The following ANGPTL8 variants were observed in gnomAD, a reference collection of about 807,000 sequenced individuals.
ANGPTL8 encodes the protein angiopoietin-like protein 8.
ANGPTL8 carries 24 observed loss-of-function variants against 22.6 expected under a neutral mutation model. The ratio of observed to expected loss-of-function variants is 1.06; its 90% confidence interval spans 0.77 to 1.49. The LOEUF is 1.49. Among genes scored for constraint, ANGPTL8 ranks in the 40% most tolerant of loss-of-function variants. The pLI, the probability that ANGPTL8 is intolerant of heterozygous loss-of-function variation, is 0.00. For synonymous variants in ANGPTL8, 88 were observed against 113.4 expected, an observed-to-expected ratio of 0.78 and a Z score of 1.42; for missense variants, 230 against 259.6, an observed-to-expected ratio of 0.89 and a Z score of 0.78.
Position 11,239,938 on chromosome 19 carries a change from G to C in ANGPTL8, c.297+4G>C. 6.3e-7 allele frequency: 1 copy of C among 1,577,994 alleles called. No homozygotes were observed. Among genetic ancestry groups the C allele is most frequent in the South Asian group, 1.2e-5 (1 of 86,082 alleles). ...GGCAAGCCTGTTGGAGACTCAGGTG[G>C]GCACCGTAGCTGCGACACTGTGGGG... On this transcript the variant is annotated splice_donor_region_variant and intron_variant, in intron 1 of 3. Transcript: ENST00000252453.
chr19:11,241,768 C>T lies in ANGPTL8; in HGVS notation c.*81C>T, dbSNP rs1448401345. On this transcript the variant is annotated 3_prime_UTR_variant, in exon 4 of 4. Transcript: ENST00000252453. ...CGTGAGGCCCCTGTGCAGGGAGGAG[C>T]TGCCTGTTCACTGGGATCAGCCAGG... is the stretch of plus-strand genomic sequence containing the variant. 5.8e-6 allele frequency: 9 copies of T among 1,544,900 alleles called. No homozygotes were observed. Among genetic ancestry groups the T allele is most frequent in the Non-Finnish European group, 7.9e-6 (9 of 1,141,450 alleles).
chr19:11,240,263 G>A lies in ANGPTL8; in HGVS notation c.426G>A (p.Leu142=). The A allele has an allele frequency of 6.3e-7, 1 of 1,584,822 alleles. No homozygotes were observed. Among genetic ancestry groups the A allele is most frequent in the Non-Finnish European group, 8.6e-7 (1 of 1,166,762 alleles). Residue 142 remains leucine (L), a synonymous_variant, in exon 2 of 4, where the codon CTG becomes CTA. Coordinates refer to ENST00000252453, the MANE Select transcript of ANGPTL8 (RefSeq NM_018687.7). ...RLEVQLRSAW[L]GPAYREFEVL... ...AAGTCCAGCTGAGGAGCGCCTGGCT[G>A]GGCCCTGCCTACCGAGAATTTGAGG...
In ANGPTL8 at chr19:11,241,722, G is replaced by T. The variant is rs1401853642; in HGVS notation, c.*35G>T. ...GATGGAACTGAGGACCAATCATGCT[G>T]CAAGGAACACTTCCACGCCCCGTGA... On this transcript the variant is annotated 3_prime_UTR_variant, in exon 4 of 4. Transcript: ENST00000252453. The T allele has an allele frequency of 2.5e-6, 4 of 1,572,506 alleles. No individual in the cohort carries two copies. The highest frequency in any genetic ancestry group is 1.2e-5 in the South Asian group (1 of 85,226).
In ANGPTL8 at chr19:11,239,911, CG is replaced by C; in HGVS notation, c.277del (p.Ala93GlnfsTer41). 1 of 1,588,384 alleles carries C rather than the reference CG, an allele frequency of 6.3e-7. No individual in the cohort carries two copies. Among genetic ancestry groups the C allele is most frequent in the Non-Finnish European group, 8.6e-7 (1 of 1,167,674 alleles). On this transcript the variant is annotated frameshift_variant, in exon 1 of 4. Coordinates refer to ENST00000252453, the MANE Select transcript of ANGPTL8 (RefSeq NM_018687.7). LOFTEE classifies it high-confidence loss of function. ...SRGRDAAQELRASLLETQMEE... is the reference protein window; with the variant it reads ...SRGRDAAQELXASLLETQMEE... ...GGGCCGGGATGCAGCCCAGGAACTT[CG>C]GGCAAGCCTGTTGGAGACTCAGGTG...
chr19:11,241,888 ACATGTACCCTTT>A lies in ANGPTL8; in HGVS notation c.*206_*217del, dbSNP rs2079952284. On this transcript the variant is annotated 3_prime_UTR_variant, in exon 4 of 4. Coordinates refer to ENST00000252453, the MANE Select transcript of ANGPTL8 (RefSeq NM_018687.7). The stretch of plus-strand genomic sequence containing the variant: ...CCCATTGGGGAGGGGTGGAGGAAGG[ACATGTACCCTTT>A]CATGCCTACACACCCCTCATTAAAG... 1 of 1,248,358 alleles carries A rather than the reference ACATGTACCCTTT, an allele frequency of 8.0e-7. No individual in the cohort carries two copies. The highest frequency in any genetic ancestry group is 1.4e-5 in the South Asian group (1 of 71,264). 77.3% of individuals were successfully genotyped at this position (1,248,358 alleles called of 1,614,324 possible). A position where few individuals can be genotyped will look rare whatever the true frequency, so the allele number is the denominator to read the frequency against.
chr19:11,241,550 G>A lies in ANGPTL8; in HGVS notation c.565G>A (p.Glu189Lys), dbSNP rs1404771846. Residue 189 changes from glutamate to lysine, a missense_variant, in exon 3 of 4, where the codon GAG becomes AAG. Coordinates refer to ENST00000252453, the MANE Select transcript of ANGPTL8 (RefSeq NM_018687.7). ...AQQHRLRQIQERLHTAALPA is the reference protein window; with the variant it reads ...AQQHRLRQIQKRLHTAALPA ...GCAGCATCGGCTGCGACAGATCCAG[G>A]AGAGGTGAGCCTGGCAGGGGTTTGG... 34 of 1,553,528 alleles carry A rather than the reference G, an allele frequency of 2.2e-5. No homozygotes were observed. Among genetic ancestry groups the A allele is most frequent in the Non-Finnish European group, 2.9e-5 (33 of 1,148,262 alleles).
chr19:11,240,001 A>G (rs1165863246), intron 1 of ANGPTL8, 67 bp downstream of exon 1: 5 of 1,549,884 alleles, frequency 3.2e-6, no homozygotes, highest in Non-Finnish European at 3.5e-6. Flanking sequence ...GTCTAGGGTA[A>G]CCAACCATCC....
chr19:11,241,748 G>A lies in ANGPTL8; in HGVS notation c.*61G>A, dbSNP rs2079948756. The A allele has an allele frequency of 6.4e-7, 1 of 1,554,396 alleles. No homozygotes were observed. On this transcript the variant is annotated 3_prime_UTR_variant, in exon 4 of 4. Coordinates refer to ENST00000252453, the MANE Select transcript of ANGPTL8 (RefSeq NM_018687.7). ...CAAGGAACACTTCCACGCCCCGTGA[G>A]GCCCCTGTGCAGGGAGGAGCTGCCT...
chr19:11,240,423 C>T, intron 2 of ANGPTL8, 127 bp downstream of exon 2: 1 of 991,728 alleles, frequency 1.0e-6, no homozygotes, highest in Non-Finnish European at 1.4e-6. Flanking sequence ...CCTGCATGTC[C>T]CCAGACAAAA....
At position 11,241,739 on chromosome 19, in the gene ANGPTL8, G is replaced by A. The variant is rs1056308728; in HGVS notation, c.*52G>A. The A allele has an allele frequency of 2.5e-5, 39 of 1,555,980 alleles. No homozygotes were observed. The highest frequency in any genetic ancestry group is 4.9e-5 in the East Asian group (2 of 41,204). The stretch of plus-strand genomic sequence containing the variant: ...ATCATGCTGCAAGGAACACTTCCAC[G>A]CCCCGTGAGGCCCCTGTGCAGGGAG... On this transcript the variant is annotated 3_prime_UTR_variant, in exon 4 of 4. Transcript: ENST00000252453.
intron 2 of ANGPTL8, among the ~76,000 whole-genome samples, chr19:11,241,238 CAAA>C (rs59955877): frequency 8.3e-6 from 1 of 121,170 alleles, no homozygotes. Flanking sequence ...GAGAGAGACT[CAAA>C]AAAAAAAAAA....
chr19:11,240,117 C>G lies in ANGPTL8; in HGVS notation c.298-18C>G, dbSNP rs765612211. 1.9e-6 allele frequency: 3 copies of G among 1,551,420 alleles called. No homozygotes were observed. The South Asian group carries it at 3.6e-5, about 18-fold the overall frequency. On this transcript the variant is annotated intron_variant, in intron 1 of 3. Coordinates refer to ENST00000252453, the MANE Select transcript of ANGPTL8 (RefSeq NM_018687.7). ...ATGAGTTGGACATCCTACTAGTGACCCACTGTTTATTAAGCAGATGGAGGA... is the reference window on the plus strand; with the variant it reads ...ATGAGTTGGACATCCTACTAGTGACGCACTGTTTATTAAGCAGATGGAGGA...
At position 11,241,570 on chromosome 19, in the gene ANGPTL8, G is replaced by A. The variant is rs1359555550; in HGVS notation, c.569+16G>A. On this transcript the variant is annotated intron_variant, in intron 3 of 3. Coordinates refer to ENST00000252453, the MANE Select transcript of ANGPTL8 (RefSeq NM_018687.7). ...TCCAGGAGAGGTGAGCCTGGCAGGGGTTTGGCAGGCAGGGCAGTTGGATGG... is the reference window on the plus strand; with the variant it reads ...TCCAGGAGAGGTGAGCCTGGCAGGGATTTGGCAGGCAGGGCAGTTGGATGG... 1.3e-6 allele frequency: 2 copies of A among 1,554,472 alleles called. No homozygotes were observed. Among genetic ancestry groups the A allele is most frequent in the East Asian group, 4.9e-5 (2 of 41,054 alleles).
At position 11,239,912 on chromosome 19, in the gene ANGPTL8, G is replaced by C. The variant is rs1413635493; in HGVS notation, c.275G>C (p.Arg92Pro). The change falls in exon 1 of 4, where the codon CGG becomes CCG. Residue 92 changes from arginine (R) to proline (P), a missense_variant. Transcript: ENST00000252453. ...GGCCGGGATGCAGCCCAGGAACTTC[G>C]GGCAAGCCTGTTGGAGACTCAGGTG... ...SRGRDAAQEL[R>P]ASLLETQMEE... 3.8e-6 allele frequency: 6 copies of C among 1,587,616 alleles called. No individual in the cohort carries two copies. In the Admixed American group the frequency reaches 5.4e-5, roughly 14 times the overall value.
At chr19:11,240,754 G>C (rs916869959) in intron 2 of ANGPTL8, among the ~76,000 whole-genome samples, 12 of 151,762 alleles carry the variant, frequency 7.9e-5, no homozygotes, top group Admixed American at 3.9e-4. Context: ...TTTTTTAGTA[G>C]AGATGGGATT....
Position 11,241,759 on chromosome 19 carries a change from A to T in ANGPTL8, c.*72A>T, listed in dbSNP as rs2079949039. The T allele has an allele frequency of 1.3e-6, 2 of 1,549,688 alleles. No homozygotes were observed. The highest frequency in any genetic ancestry group is 8.7e-7 in the Non-Finnish European group (1 of 1,145,360). ...TCCACGCCCCGTGAGGCCCCTGTGC[A>T]GGGAGGAGCTGCCTGTTCACTGGGA... On this transcript the variant is annotated 3_prime_UTR_variant, in exon 4 of 4. Coordinates refer to ENST00000252453, the MANE Select transcript of ANGPTL8 (RefSeq NM_018687.7).
intron 3 of ANGPTL8, 26 bp from the exon 4 acceptor site, chr19:11,241,634 G>A: frequency 6.4e-7 from 1 of 1,568,288 alleles, no homozygotes; most frequent in Non-Finnish European, 8.6e-7. Flanking sequence ...CCCCTCACCT[G>A]GGCTGAGCCA....
In ANGPTL8 at chr19:11,240,179, G is replaced by T; in HGVS notation, c.342G>T (p.Glu114Asp). ...ILQLQAEATA[E>D]VLGEVAQAQK... ...AGCTGCAGGCAGAGGCCACAGCTGAGGTGCTGGGGGAGGTGGCCCAGGCAC... is the reference window on the plus strand; with the variant it reads ...AGCTGCAGGCAGAGGCCACAGCTGATGTGCTGGGGGAGGTGGCCCAGGCAC... The change falls in exon 2 of 4, where the codon GAG becomes GAT. Residue 114 changes from glutamate (E) to aspartate (D), a missense_variant. By Grantham distance (45) the Glu-to-Asp change is conservative. Coordinates refer to ENST00000252453, the MANE Select transcript of ANGPTL8 (RefSeq NM_018687.7). The T allele has an allele frequency of 6.4e-7, 1 of 1,553,526 alleles. No homozygotes were observed.
At chr19:11,241,578 G>A in intron 3 of ANGPTL8, 24 bp downstream of exon 3, 1 of 1,555,072 alleles carries the variant, frequency 6.4e-7, no homozygotes, top group Non-Finnish European at 8.7e-7. Flanking sequence ...GGGTTTGGCA[G>A]GCAGGGCAGT....
Sources: gnomAD v4.1 joint callset for allele counts (sites outside exome capture counted in the v4.1 genomes callset) on GRCh38, gnomAD v4.1.1 for gene constraint, MANE v1.5 for transcripts, NCBI Gene and HGNC (gene_info 2026-07-23, HGNC 2026-07-21) for gene names.